The following SMARCA4 variants were observed in gnomAD, a reference collection of about 807,000 sequenced individuals.
The protein encoded by SMARCA4 is SWI/SNF-related matrix-associated actin-dependent regulator of chromatin subfamily A member 4.
In SMARCA4, 31 loss-of-function variants were observed where a neutral mutation model predicts 193.9. The observed-to-expected ratio is 0.16, with a 90% CI of 0.12 to 0.22. The LOEUF (loss-of-function observed/expected upper bound fraction) is 0.22. Ranked by LOEUF, SMARCA4 falls within the 10% of genes least tolerant of loss-of-function variation. The pLI, the probability that SMARCA4 is intolerant of heterozygous loss-of-function variation, is 1.00. For missense variants in SMARCA4, 1,148 were observed against 2,296.0 expected (o/e 0.50, Z 10.22); for synonymous variants, 942 against 933.1 (o/e 1.01, Z -0.17).
Position 11,025,637 on chromosome 19 carries a change from GTC to G in SMARCA4, c.3168+134_3168+135del, listed in dbSNP as rs2090197997. On this transcript the variant is annotated intron_variant, in intron 22 of 34. Transcript: ENST00000344626. ...TTCATTAGGTAATGCCTGTACATCT[GTC>G]TCTCATTTGGTCTTCGCTTCACCAG... is the stretch of plus-strand genomic sequence containing the variant. 3 of 737,776 alleles carry G rather than the reference GTC, an allele frequency of 4.1e-6. No individual in the cohort carries two copies. In the East Asian group the frequency reaches 7.9e-5, roughly 19 times the overall value. 45.7% of individuals were successfully genotyped at this position (737,776 alleles called of 1,614,324 possible).
chr19:11,027,713 C>T (rs2146537947), intron 23 of SMARCA4, 71 bp from the exon 24 acceptor site: 1 of 1,574,980 alleles, frequency 6.3e-7, no homozygotes, highest in African/African-American at 1.3e-5. Flanking sequence ...GATGCACCTC[C>T]TGCCTTACCT....
At position 10,991,334 on chromosome 19, in the gene SMARCA4, G is replaced by A. The variant is rs772412983; in HGVS notation, c.1419+11G>A. ...CGGCAGAAGCACCAGGTACGCTCCG[G>A]TGGCCCCAAGGCCCTGCAGCCCGCC... On this transcript the variant is annotated intron_variant, in intron 8 of 34. Coordinates refer to ENST00000344626, the MANE Select transcript of SMARCA4 (RefSeq NM_003072.5). 6 of 1,579,962 alleles carry A rather than the reference G, an allele frequency of 3.8e-6. No homozygotes were observed. The East Asian group carries it at 1.4e-4, about 37-fold the overall frequency.
At chr19:11,029,164 C>G (rs1215649796) in intron 24 of SMARCA4, among the ~76,000 whole-genome samples, 2 of 152,188 alleles carry the variant, frequency 1.3e-5, no homozygotes, top group Non-Finnish European at 2.9e-5. Flanking sequence ...GGCTGAAAAC[C>G]AAAATCCTTC....
intron 11 of SMARCA4, 126 bp from the exon 12 acceptor site, chr19:11,002,903 C>T: frequency 2.0e-6 from 2 of 976,188 alleles, no homozygotes; most frequent in Admixed American, 1.8e-5. Context: ...ATTTTCCCAC[C>T]ACTGGCCATG....
chr19:11,023,355 T>C (rs1277064089), intron 19 of SMARCA4, among the ~76,000 whole-genome samples, 163 bp from the exon 20 acceptor site: 1 of 152,258 alleles, frequency 6.6e-6, no homozygotes, highest in Non-Finnish European at 1.5e-5. Context: ...GTGCCCTGCC[T>C]GGCTCCCAGA....
intron 34 of SMARCA4, among the ~76,000 whole-genome samples, chr19:11,061,570 G>T (rs904692951): frequency 6.6e-6 from 1 of 152,126 alleles, no homozygotes; most frequent in Non-Finnish European, 1.5e-5. Flanking sequence ...TAGAGACGGG[G>T]TTTCACCGTG....
intron 13 of SMARCA4, among the ~76,000 whole-genome samples, chr19:11,004,038 A>G (rs1485317076): frequency 6.6e-6 from 1 of 151,190 alleles, no homozygotes; most frequent in Non-Finnish European, 1.5e-5. Context: ...TTGTTTTGAA[A>G]TGGAGACTTG....
intron 9 of SMARCA4, 54 bp downstream of exon 9, chr19:10,995,055 G>A (rs185462341): frequency 5.7e-4 from 847 of 1,490,354 alleles, no homozygotes; most frequent in Non-Finnish European, 7.0e-4. Flanking sequence ...CTGGTACTGC[G>A]GGCTCCAGGG....
intron 1 of SMARCA4, among the ~76,000 whole-genome samples, chr19:10,967,842 G>T (rs914012618): frequency 1.3e-5 from 2 of 151,596 alleles, no homozygotes; most frequent in East Asian, 3.9e-4. Flanking sequence ...GCGCCACCAT[G>T]CCCGGCTAAT....
At chr19:10,996,616 C>A (rs1169070582) in intron 11 of SMARCA4, 72 bp downstream of exon 11, 2 of 1,391,438 alleles carry the variant, frequency 1.4e-6, no homozygotes, top group Middle Eastern at 1.8e-4. Context: ...GACTTTAAAA[C>A]CTGTGTTCTT....
At chr19:10,988,420 T>C (rs2145832964) in intron 6 of SMARCA4, among the ~76,000 whole-genome samples, 1 of 152,310 alleles carries the variant, frequency 6.6e-6, no homozygotes. Context: ...ATTCTCTTTT[T>C]ATGATTGATA....
chr19:11,018,645 T>C (rs1326606046), intron 16 of SMARCA4, among the ~76,000 whole-genome samples: 3 of 152,200 alleles, frequency 2.0e-5, no homozygotes, highest in Non-Finnish European at 4.4e-5. Flanking sequence ...CGGCAGCAGG[T>C]CCAGGCTTCC....
intron 30 of SMARCA4, among the ~76,000 whole-genome samples, chr19:11,044,504 C>T (rs911344204): frequency 6.6e-6 from 1 of 152,100 alleles, no homozygotes; most frequent in African/African-American, 2.4e-5. Flanking sequence ...ACAGGACATC[C>T]CAGGACTAAT....
intron 8 of SMARCA4, among the ~76,000 whole-genome samples, chr19:10,992,272 T>A (rs551359692): frequency 2.6e-5 from 4 of 151,714 alleles, no homozygotes; most frequent in Non-Finnish European, 4.4e-5. Flanking sequence ...CCACCATGCC[T>A]GGCTAACTTT....
At chr19:10,983,363 A>G (rs571495003) in intron 1 of SMARCA4, 17 of 152,048 alleles carry the variant, frequency 1.1e-4, no homozygotes, top group African/African-American at 3.9e-4. Flanking sequence ...ACTACTTTCA[A>G]TGGAAAACCA....
At chr19:11,037,175 C>T (rs2075315344) in intron 29 of SMARCA4, among the ~76,000 whole-genome samples, 3 of 152,156 alleles carry the variant, frequency 2.0e-5, no homozygotes, top group Admixed American at 6.5e-5. Context: ...TAATATGTGC[C>T]TAGGCGTAGA....
intron 30 of SMARCA4, among the ~76,000 whole-genome samples, chr19:11,046,326 C>T (rs903241106): frequency 3.9e-5 from 6 of 152,142 alleles, no homozygotes; most frequent in Admixed American, 6.5e-5. Flanking sequence ...GATTTTGAGA[C>T]CTGCTTTGAA....
At chr19:11,047,177 A>G (rs1401928421) in intron 30 of SMARCA4, among the ~76,000 whole-genome samples, 2 of 152,082 alleles carry the variant, frequency 1.3e-5, no homozygotes, top group African/African-American at 4.8e-5. Flanking sequence ...AGCGGTTGTT[A>G]CGCTTGCAGT....
At chr19:11,045,920 TAAA>T (rs34910090) in intron 30 of SMARCA4, among the ~76,000 whole-genome samples, 31 of 150,064 alleles carry the variant, frequency 2.1e-4, no homozygotes, top group Non-Finnish European at 4.0e-4. Context: ...TGTCTCTATT[TAAA>T]AAAAAGAAGA....
Sources: gnomAD v4.1 joint callset for allele counts (sites outside exome capture counted in the v4.1 genomes callset) on GRCh38, gnomAD v4.1.1 for gene constraint, MANE v1.5 for transcripts, NCBI Gene and HGNC (gene_info 2026-07-23, HGNC 2026-07-21) for gene names.